TRIM67: variants seen among roughly 807,000 people sequenced by gnomAD.
TRIM67 encodes tripartite motif containing 67.
Under a neutral mutation model 71.0 loss-of-function variants are expected in TRIM67, and 39 were observed. That is an observed-to-expected ratio of 0.55 (90% CI 0.43 to 0.72). The LOEUF (loss-of-function observed/expected upper bound fraction) is 0.72, where lower values mean the gene tolerates loss of function less well. TRIM67 is among the 30% of genes least tolerant of loss of function. The pLI is 0.00. For synonymous variants in TRIM67, 481 were observed against 473.9 expected, an observed-to-expected ratio of 1.01 and a Z score of -0.19; for missense variants, 973 against 1,079.2, an observed-to-expected ratio of 0.90 and a Z score of 1.38.
At chr1:231,213,176 C>T (rs1045127157) in intron 8 of TRIM67, among the ~76,000 whole-genome samples, 1 of 152,134 alleles carries the variant, frequency 6.6e-6, no homozygotes, top group African/African-American at 2.4e-5. Flanking sequence ...GGAAAAGGTG[C>T]CTTTCTTACC....
chr1:231,190,240 A>G (rs1335027240), intron 1 of TRIM67, among the ~76,000 whole-genome samples: 1 of 152,164 alleles, frequency 6.6e-6, no homozygotes, highest in Admixed American at 6.5e-5. Context: ...CTGTGTTGAC[A>G]GAGTCGTGGC....
In TRIM67 at chr1:231,216,079, T is replaced by C. The variant is rs773415194; in HGVS notation, c.*639T>C. ...AAGTGTTAGAACCTTTTAAAATGGC[T>C]TCCTTTATTAATCAGCCAATTGTGT... is the stretch of plus-strand genomic sequence containing the variant. On this transcript the variant is annotated 3_prime_UTR_variant, in exon 10 of 10. Transcript: ENST00000366653. The C allele has an allele frequency of 1.3e-5, 13 of 985,438 alleles. No homozygotes were observed. Among genetic ancestry groups the C allele is most frequent in the Non-Finnish European group, 1.6e-5 (13 of 829,942 alleles). 61.0% of individuals were successfully genotyped at this position (985,438 alleles called of 1,614,324 possible).
At chr1:231,205,852 G>A (rs1441044785) in intron 6 of TRIM67, among the ~76,000 whole-genome samples, 1 of 152,204 alleles carries the variant, frequency 6.6e-6, no homozygotes, top group Non-Finnish European at 1.5e-5. Flanking sequence ...GCCAGCCTCA[G>A]GTGTGGGAGG....
intron 1 of TRIM67, among the ~76,000 whole-genome samples, chr1:231,169,461 C>A (rs1033017289): frequency 7.2e-6 from 1 of 138,626 alleles, no homozygotes; most frequent in African/African-American, 2.6e-5. Context: ...TTCACTGCAA[C>A]CTCTGCCTCC....
intron 1 of TRIM67, among the ~76,000 whole-genome samples, chr1:231,191,880 A>T (rs1250553071): frequency 6.6e-6 from 1 of 152,200 alleles, no homozygotes; most frequent in Non-Finnish European, 1.5e-5. Flanking sequence ...ACAAATATTT[A>T]TGGAGCACAT....
intron 1 of TRIM67, chr1:231,184,780 C>T: frequency 3.6e-6 from 2 of 557,772 alleles, no homozygotes; most frequent in Non-Finnish European, 6.4e-6. Context: ...AGTGCCAGTC[C>T]CTGAACCCAG....
chr1:231,210,767 T>C (rs555652971), intron 8 of TRIM67, among the ~76,000 whole-genome samples: 56 of 152,066 alleles, frequency 3.7e-4, no homozygotes, highest in African/African-American at 1.2e-3. Flanking sequence ...TAGGCTGGAA[T>C]GGTGGCTTGC....
intron 1 of TRIM67, among the ~76,000 whole-genome samples, chr1:231,190,073 C>A (rs1422983875): frequency 6.6e-6 from 1 of 151,870 alleles, no homozygotes; most frequent in Admixed American, 6.6e-5. Context: ...AGGCTTATGG[C>A]AACTTGTCAC....
chr1:231,219,150 A>T lies in TRIM67; in HGVS notation c.*3710A>T. 1 of 985,400 alleles carries T rather than the reference A, an allele frequency of 1.0e-6. No homozygotes were observed. The highest frequency in any genetic ancestry group is 1.2e-6 in the Non-Finnish European group (1 of 829,956). 61.0% of individuals were successfully genotyped at this position (985,400 alleles called of 1,614,324 possible). A position where few individuals can be genotyped will look rare whatever the true frequency, so the allele number is the denominator to read the frequency against. Reference sequence around the variant, plus strand: ...AGTCAACATGTGAATGCTAAAGAACACTGCTGCACAGCCCGTGGGGTGGCG... The same window carrying T: ...AGTCAACATGTGAATGCTAAAGAACTCTGCTGCACAGCCCGTGGGGTGGCG... On this transcript the variant is annotated 3_prime_UTR_variant, in exon 10 of 10. Transcript: ENST00000366653.
chr1:231,216,825 C>T lies in TRIM67; in HGVS notation c.*1385C>T, dbSNP rs796818088. ...TGGCAGGGGTTTTGAGCCTGCCAGG[C>T]TCTTGTTCCCAGGGAACCCTTCCTC... On this transcript the variant is annotated 3_prime_UTR_variant, in exon 10 of 10. Transcript: ENST00000366653. 2 of 985,574 alleles carry T rather than the reference C, an allele frequency of 2.0e-6. No individual in the cohort carries two copies. Among genetic ancestry groups the T allele is most frequent in the African/African-American group, 1.7e-5 (1 of 57,390 alleles). 61.1% of individuals were successfully genotyped at this position (985,574 alleles called of 1,614,324 possible).
rs1045693502 is a variant in TRIM67 at position 231,216,300 on chromosome 1, A to G, written c.*860A>G. ...CCCTCCTTCTCTCTCTCTCTCACAC[A>G]CACACAGGCATGACAGTCTCCTAAA... On this transcript the variant is annotated 3_prime_UTR_variant, in exon 10 of 10. Transcript: ENST00000366653. 1.0e-6 allele frequency: 1 copy of G among 984,746 alleles called. No homozygotes were observed. The highest frequency in any genetic ancestry group is 1.1e-4 in the East Asian group (1 of 8,798). 61.0% of individuals were successfully genotyped at this position (984,746 alleles called of 1,614,324 possible).
intron 1 of TRIM67, among the ~76,000 whole-genome samples, chr1:231,190,564 A>G (rs1683203731): frequency 6.6e-6 from 1 of 152,156 alleles, no homozygotes; most frequent in African/African-American, 2.4e-5. Context: ...CCGGCGTAAC[A>G]TACCAGGGGC....
chr1:231,208,175 ATTTT>A (rs533982063), intron 7 of TRIM67, among the ~76,000 whole-genome samples: 1 of 138,398 alleles, frequency 7.2e-6, no homozygotes, highest in Non-Finnish European at 1.6e-5. Context: ...TGTCCAGCGA[ATTTT>A]TTTTTTTTTT....
chr1:231,198,413 G>T (rs1453992954), intron 2 of TRIM67, among the ~76,000 whole-genome samples: 1 of 151,950 alleles, frequency 6.6e-6, no homozygotes, highest in East Asian at 1.9e-4. Context: ...TTGAGACAGA[G>T]TCTCACTCTG....
intron 6 of TRIM67, 38 bp from the exon 7 acceptor site, chr1:231,206,614 G>C (rs1253707277): frequency 6.6e-7 from 1 of 1,519,776 alleles, no homozygotes; most frequent in African/African-American, 1.4e-5. Flanking sequence ...CTTTCCAAAT[G>C]CTAGAGGAGC....
At chr1:231,210,827 C>A (rs917536728) in intron 8 of TRIM67, among the ~76,000 whole-genome samples, 4 of 151,628 alleles carry the variant, frequency 2.6e-5, no homozygotes, top group Non-Finnish European at 4.4e-5. Flanking sequence ...ATTGCTTGAG[C>A]CCAGGTGTTT....
chr1:231,219,002 G>T lies in TRIM67; in HGVS notation c.*3562G>T. 2 of 985,474 alleles carry T rather than the reference G, an allele frequency of 2.0e-6. No individual in the cohort carries two copies. Among genetic ancestry groups the T allele is most frequent in the Non-Finnish European group, 2.4e-6 (2 of 829,966 alleles). 61.0% of individuals were successfully genotyped at this position (985,474 alleles called of 1,614,324 possible). On this transcript the variant is annotated 3_prime_UTR_variant, in exon 10 of 10. Transcript: ENST00000366653. ...ATTCTCATTGCAAGCGAAAGGCTTG[G>T]TCCCCCTGGGAAGGCGGGTTTCGGC...
At chr1:231,172,390 G>T (rs184342017) in intron 1 of TRIM67, among the ~76,000 whole-genome samples, 33 of 152,290 alleles carry the variant, frequency 2.2e-4, no homozygotes, top group African/African-American at 7.2e-4. Flanking sequence ...TGTTTGGGAC[G>T]AATAAGGCAA....
rs1683938086 is a variant in TRIM67 at position 231,213,893 on chromosome 1, C to T, written c.2202C>T (p.Ile734=). 6.2e-7 allele frequency: 1 copy of T among 1,613,782 alleles called. No homozygotes were observed. The highest frequency in any genetic ancestry group is 1.1e-5 in the South Asian group (1 of 91,070). ...ATAAGCACACTCTCACCTTCTTCATCAACGGGCAGCAGCAGGGCCCCACAG... is the reference window on the plus strand; with the variant it reads ...ATAAGCACACTCTCACCTTCTTCATTAACGGGCAGCAGCAGGGCCCCACAG... ...DLNKHTLTFF[I]NGQQQGPTAF... Residue 734 remains isoleucine, a synonymous_variant, in exon 9 of 10, where the codon ATC becomes ATT. Transcript: ENST00000366653.
Sources: gnomAD v4.1 joint callset for allele counts (sites outside exome capture counted in the v4.1 genomes callset) on GRCh38, gnomAD v4.1.1 for gene constraint, MANE v1.5 for transcripts, NCBI Gene and HGNC (gene_info 2026-07-23, HGNC 2026-07-21) for gene names.